LVRN: variants seen among roughly 807,000 people sequenced by gnomAD.
The protein encoded by LVRN is laeverin, also known as aminopeptidase Q.
Under a neutral mutation model 111.4 loss-of-function variants are expected in LVRN, and 99 were observed. The ratio of observed to expected loss-of-function variants is 0.89; its 90% CI spans 0.76 to 1.05. The LOEUF is 1.05. Ranked by LOEUF, LVRN falls within the 50% of genes least tolerant of loss-of-function variation. The pLI is 0.00. For synonymous variants in LVRN, 488 were observed against 449.5 expected (o/e 1.09, Z -1.08); for missense variants, 1,414 against 1,206.8 (o/e 1.17, Z -2.54).
At chr5:115,997,998 A>G (rs1169087471) in intron 6 of LVRN, among the ~76,000 whole-genome samples, 1 of 152,210 alleles carries the variant, frequency 6.6e-6, no homozygotes, top group Non-Finnish European at 1.5e-5. Context: ...AGAAAGAAAG[A>G]CAATCTGTTC....
chr5:116,002,625 C>A (rs1283450813), intron 10 of LVRN, among the ~76,000 whole-genome samples: 1 of 152,092 alleles, frequency 6.6e-6, no homozygotes, highest in African/African-American at 2.4e-5. Context: ...CCGTAAGACA[C>A]AACAGGAGAG....
intron 2 of LVRN, among the ~76,000 whole-genome samples, chr5:115,983,796 T>C (rs919608237): frequency 1.3e-5 from 2 of 152,168 alleles, no homozygotes; most frequent in East Asian, 1.9e-4. Flanking sequence ...ATTAAATCAG[T>C]TTCCAACTTA....
intron 4 of LVRN, among the ~76,000 whole-genome samples, chr5:115,990,486 G>A (rs1179530465): frequency 1.3e-5 from 2 of 152,070 alleles, no homozygotes; most frequent in East Asian, 1.9e-4. Context: ...ATCGCTTGTG[G>A]TATATGCTTT....
intron 1 of LVRN, among the ~76,000 whole-genome samples, chr5:115,964,533 A>G (rs1753161863): frequency 2.0e-5 from 3 of 152,200 alleles, no homozygotes; most frequent in Admixed American, 1.3e-4. Context: ...TTTTGAAATT[A>G]CTGTGTAGGT....
At chr5:115,979,828 A>C (rs1190517655) in intron 1 of LVRN, among the ~76,000 whole-genome samples, 1 of 152,346 alleles carries the variant, frequency 6.6e-6, no homozygotes, top group Non-Finnish European at 1.5e-5. Flanking sequence ...TTGACCGGCT[A>C]TGCTATTCAG....
At chr5:115,972,559 C>G (rs538491443) in intron 1 of LVRN, among the ~76,000 whole-genome samples, 38 of 151,996 alleles carry the variant, frequency 2.5e-4, no homozygotes, top group African/African-American at 9.2e-4. Context: ...TTTACTTCTA[C>G]TTTAGTTTCA....
chr5:115,965,524 TATACGTTTTG>T (rs1753184550), intron 1 of LVRN, among the ~76,000 whole-genome samples: 2 of 152,240 alleles, frequency 1.3e-5, no homozygotes, highest in South Asian at 4.1e-4. Context: ...TTTAGAAATT[TATACGTTTTG>T]ACGATTGTCT....
chr5:115,985,165 C>T (rs1400188906), intron 3 of LVRN, among the ~76,000 whole-genome samples: 1 of 152,164 alleles, frequency 6.6e-6, no homozygotes, highest in Non-Finnish European at 1.5e-5. Flanking sequence ...CCAGGAACAA[C>T]TGCTATGGCT....
chr5:116,000,932 C>T (rs1200400301), intron 9 of LVRN, 135 bp from the exon 10 acceptor site: 1 of 972,900 alleles, frequency 1.0e-6, no homozygotes, highest in East Asian at 2.6e-5. Context: ...CTAAATTTGC[C>T]CCAGAGGATC....
In LVRN at chr5:116,026,104, A is replaced by T. The variant is rs756126474; in HGVS notation, c.2959A>T (p.Arg987Trp). Residue 987 changes from arginine (R) to tryptophan (W), a missense_variant, in exon 20 of 20, where the codon AGG becomes TGG. Arg to Trp is a moderately radical substitution (Grantham distance 101, BLOSUM62 -3). Coordinates refer to ENST00000357872, the MANE Select transcript of LVRN (RefSeq NM_173800.5). ...KLSARIAAWL[R>W]RNT ...AAGTGCCAGGATAGCTGCGTGGCTA[A>T]GGAGAAACACATAGCTTGTGGCTAT... is the stretch of plus-strand genomic sequence containing the variant. 3.7e-6 allele frequency: 6 copies of T among 1,613,822 alleles called. No homozygotes were observed. The highest frequency in any genetic ancestry group is 5.1e-6 in the Non-Finnish European group (6 of 1,179,788).
chr5:116,008,851 A>T (rs1748431521), intron 13 of LVRN, among the ~76,000 whole-genome samples: 1 of 152,232 alleles, frequency 6.6e-6, no homozygotes, highest in African/African-American at 2.4e-5. Flanking sequence ...ACAAAGTACA[A>T]GGTGAAACAG....
At chr5:116,023,086 C>G (rs1748789644) in intron 19 of LVRN, among the ~76,000 whole-genome samples, 1 of 152,210 alleles carries the variant, frequency 6.6e-6, no homozygotes, top group African/African-American at 2.4e-5. Context: ...CCTAATCATC[C>G]TTTAAGATCC....
intron 18 of LVRN, among the ~76,000 whole-genome samples, chr5:116,017,803 T>C (rs1379002882): frequency 6.6e-6 from 1 of 152,250 alleles, no homozygotes; most frequent in Non-Finnish European, 1.5e-5. Context: ...ATTATCTTAC[T>C]GAGATAATAT....
Position 116,006,828 on chromosome 5 carries a change from C to G in LVRN, c.2093+861C>G, listed in dbSNP as rs1361290601. 2.6e-5 allele frequency among the ~76,000 whole-genome samples: 4 copies of G among 152,162 alleles called. No homozygotes were observed. The South Asian group carries it at 8.3e-4, about 32-fold the overall frequency. On this transcript the variant is annotated intron_variant, in intron 13 of 19. Transcript: ENST00000357872. ...AATCTACATTGCTACTTATCTTTCC[C>G]CCTGTCTTAGGTTTATCCTGTGGTC...
At chr5:116,022,285 T>C (rs1451489310) in intron 18 of LVRN, 106 bp from the exon 19 acceptor site, 3 of 731,856 alleles carry the variant, frequency 4.1e-6, no homozygotes, top group East Asian at 2.6e-5. Flanking sequence ...ATTTGTGACA[T>C]AGGAATTAAT....
intron 18 of LVRN, among the ~76,000 whole-genome samples, chr5:116,016,306 A>C (rs1292867127): frequency 1.3e-5 from 2 of 152,210 alleles, no homozygotes; most frequent in African/African-American, 2.4e-5. Context: ...TTCTTTATAC[A>C]TCTGAATATT....
rs7711111 is a variant in LVRN, at chr5:116,009,574, G to C, written c.2094-1167G>C. On this transcript the variant is annotated intron_variant, in intron 13 of 19. Coordinates refer to ENST00000357872, the MANE Select transcript of LVRN (RefSeq NM_173800.5). Reference sequence around the variant, plus strand: ...TACGAACATTTGCAATGCATGAAAGGAGGTAAAAAAAATCAATATAAACAG... The same window carrying C: ...TACGAACATTTGCAATGCATGAAAGCAGGTAAAAAAAATCAATATAAACAG... 7.2e-3 allele frequency among the ~76,000 whole-genome samples: 1,097 copies of C among 152,208 alleles called. 23 individuals carry two copies. The highest frequency in any genetic ancestry group is 0.025 in the African/African-American group (1,046 of 41,508).
At chr5:115,987,743 A>G in intron 3 of LVRN, 70 bp from the exon 4 acceptor site, 1 of 1,526,784 alleles carries the variant, frequency 6.5e-7, no homozygotes, top group Non-Finnish European at 8.8e-7. Flanking sequence ...AGGGAATTGG[A>G]GCAAGCAGAC....
chr5:115,972,372 A>T (rs987799689), intron 1 of LVRN, among the ~76,000 whole-genome samples: 1 of 151,380 alleles, frequency 6.6e-6, no homozygotes, highest in Non-Finnish European at 1.5e-5. Context: ...ATTGTTAATG[A>T]TATTTTTAGA....
Sources: gnomAD v4.1 joint callset for allele counts (sites outside exome capture counted in the v4.1 genomes callset) on GRCh38, gnomAD v4.1.1 for gene constraint, MANE v1.5 for transcripts, NCBI Gene and HGNC (gene_info 2026-07-23, HGNC 2026-07-21) for gene names.